Variants in FER1L6 observed in about 807,000 individuals in gnomAD.
FER1L6 encodes fer-1 like family member 6.
FER1L6 carries 177 observed loss-of-function variants against 219.2 expected under a neutral mutation model. The observed-to-expected ratio is 0.81, with a 90% CI of 0.71 to 0.91. The LOEUF is 0.91. FER1L6 is among the 40% of genes least tolerant of loss of function. The pLI is 0.00. For missense variants in FER1L6, 2,153 were observed against 2,259.9 expected, an observed-to-expected ratio of 0.95 and a Z score of 0.96; for synonymous variants, 768 against 824.3, an observed-to-expected ratio of 0.93 and a Z score of 1.17.
rs1005254917 is a variant in FER1L6 at position 123,852,353 on chromosome 8, A to C, written c.-8+168A>C. ...CTCCAGGTAGCTGGCTGGTCACCCC[A>C]GGGAATGGTGCCATATATTGGGGAC... On this transcript the variant is annotated intron_variant, in intron 1 of 40. Transcript: ENST00000522917. This position sits in a 1 kb window ranked among gnomAD's most constrained non-coding sequence, Gnocchi z 4.9. Among the ~76,000 whole-genome samples the C allele has an allele frequency of 1.1e-4, 17 of 152,126 alleles. No homozygotes were observed. The highest frequency in any genetic ancestry group is 4.1e-4 in the African/African-American group (17 of 41,430).
intron 1 of FER1L6, among the ~76,000 whole-genome samples, chr8:123,955,088 T>C (rs1452996985): frequency 6.6e-6 from 1 of 152,124 alleles, no homozygotes; most frequent in South Asian, 2.1e-4. Context: ...TCAGAGACCA[T>C]GGACTAGGGA....
At chr8:123,966,995 T>C (rs1178418032) in intron 5 of FER1L6, among the ~76,000 whole-genome samples, 1 of 146,928 alleles carries the variant, frequency 6.8e-6, no homozygotes, top group East Asian at 2.0e-4. Flanking sequence ...AGCAGAAGAA[T>C]GGCGTGAACC....
chr8:123,884,203 G>A (rs558593323), intron 1 of FER1L6, among the ~76,000 whole-genome samples: 1 of 152,348 alleles, frequency 6.6e-6, no homozygotes, highest in East Asian at 1.9e-4. Context: ...CCCCAGAGTT[G>A]AGTAATGGTG....
chr8:123,865,477 T>A (rs1191206661), intron 1 of FER1L6, among the ~76,000 whole-genome samples: 5 of 150,258 alleles, frequency 3.3e-5, no homozygotes, highest in African/African-American at 5.0e-5. Context: ...TACAGAGGCA[T>A]GCAGACCTCC....
At chr8:123,983,048 T>G (rs1246524927) in intron 11 of FER1L6, among the ~76,000 whole-genome samples, 1 of 152,228 alleles carries the variant, frequency 6.6e-6, no homozygotes, top group Admixed American at 6.5e-5. Context: ...TTAGGTTTCA[T>G]TTTTTGAGGG....
intron 1 of FER1L6, among the ~76,000 whole-genome samples, chr8:123,902,101 A>G (rs1034682242): frequency 6.6e-6 from 1 of 152,066 alleles, no homozygotes; most frequent in Non-Finnish European, 1.5e-5. Context: ...TAATTTCCAT[A>G]TATTTGGATG....
rs533620606 is a variant in FER1L6 at position 124,061,948 on chromosome 8, A to G, written c.3244A>G (p.Ile1082Val). 3 of 1,614,202 alleles carry G rather than the reference A, an allele frequency of 1.9e-6. No homozygotes were observed. The African/African-American group carries it at 4.0e-5, about 22-fold the overall frequency. The part of the protein sequence containing the change: ...GRSTLVGTYT[I>V]NYLKQFLCKL... ...GAGTACCCTTGTGGGCACCTACACC[A>G]TCAACTACTTGAAGCAGTTTTTGTG... The change falls in exon 25 of 41, where the codon ATC (isoleucine) becomes GTC (valine). Residue 1082 changes from isoleucine to valine, a missense_variant. Ile to Val is a conservative substitution (Grantham distance 29). Coordinates refer to ENST00000522917, the MANE Select transcript of FER1L6 (RefSeq NM_001039112.2).
intron 32 of FER1L6, among the ~76,000 whole-genome samples, chr8:124,079,893 G>A (rs1353518438): frequency 6.6e-6 from 1 of 152,118 alleles, no homozygotes; most frequent in African/African-American, 2.4e-5. Flanking sequence ...AGTCATCCCT[G>A]TGAAACCTTC....
intron 1 of FER1L6, among the ~76,000 whole-genome samples, chr8:123,874,627 CT>C (rs995430784): frequency 6.6e-6 from 1 of 152,226 alleles, no homozygotes; most frequent in Non-Finnish European, 1.5e-5. Flanking sequence ...ACTCTTCTTT[CT>C]ATACTTTGTC....
At position 124,097,392 on chromosome 8, in the gene FER1L6, G is replaced by T. The variant is rs536735079; in HGVS notation, c.4784+33G>T. ...AGCTGTAGCCCCAGCTTCAGGGGAAGAGACCAGGGTAGCAGATGAAAGAAT... is the reference window on the plus strand; with the variant it reads ...AGCTGTAGCCCCAGCTTCAGGGGAATAGACCAGGGTAGCAGATGAAAGAAT... On this transcript the variant is annotated intron_variant, in intron 36 of 40. Coordinates refer to ENST00000522917, the MANE Select transcript of FER1L6 (RefSeq NM_001039112.2). 1.7e-5 allele frequency: 25 copies of T among 1,434,690 alleles called. No individual in the cohort carries two copies. The African/African-American group carries it at 3.0e-4, about 17-fold the overall frequency. The allele number at this position is 1,434,690 out of a possible 1,614,324, so 88.9% of individuals were successfully genotyped here. A position where few individuals can be genotyped will look rare whatever the true frequency, so the allele number is the denominator to read the frequency against.
At chr8:124,024,000 G>A (rs1019966445) in intron 18 of FER1L6, among the ~76,000 whole-genome samples, 1 of 151,362 alleles carries the variant, frequency 6.6e-6, no homozygotes, top group African/African-American at 2.4e-5. Context: ...GGATTCAAGT[G>A]ATTCTCCTGC....
At chr8:124,060,442 C>T in intron 23 of FER1L6, 106 bp from the exon 24 acceptor site, 1 of 1,488,304 alleles carries the variant, frequency 6.7e-7, no homozygotes, top group Non-Finnish European at 9.2e-7. Flanking sequence ...TGGAGGAACA[C>T]AGCGTGGTTC....
chr8:123,913,659 G>A (rs1813105637), intron 1 of FER1L6, among the ~76,000 whole-genome samples: 1 of 152,118 alleles, frequency 6.6e-6, no homozygotes, highest in East Asian at 1.9e-4. Flanking sequence ...TGATGAGTGG[G>A]GACTGTGGAG....
chr8:124,056,694 C>G (rs1391645208), intron 22 of FER1L6, among the ~76,000 whole-genome samples: 1 of 152,130 alleles, frequency 6.6e-6, no homozygotes, highest in East Asian at 1.9e-4. Context: ...GGCATCCACC[C>G]TAAAATAGGC....
intron 1 of FER1L6, among the ~76,000 whole-genome samples, chr8:123,920,238 G>A (rs753385848): frequency 3.9e-5 from 6 of 152,172 alleles, no homozygotes; most frequent in Admixed American, 1.3e-4. Flanking sequence ...TCAGGACCAC[G>A]AAGAGGTCAT....
chr8:124,067,856 C>G, intron 28 of FER1L6, 50 bp downstream of exon 28: 1 of 1,513,356 alleles, frequency 6.6e-7, no homozygotes, highest in Non-Finnish European at 9.2e-7. Context: ...GCCATCGTTA[C>G]GAGAAAATTG....
intron 19 of FER1L6, among the ~76,000 whole-genome samples, 183 bp downstream of exon 19, chr8:124,035,637 A>T (rs1819165333): frequency 6.6e-6 from 1 of 152,250 alleles, no homozygotes; most frequent in Non-Finnish European, 1.5e-5. Flanking sequence ...ATCTAAAAAG[A>T]GTAAAATCAT....
intron 18 of FER1L6, among the ~76,000 whole-genome samples, chr8:124,028,842 C>T (rs1360637637): frequency 2.6e-5 from 4 of 152,188 alleles, no homozygotes; most frequent in East Asian, 3.8e-4. Context: ...CATAGGTTAA[C>T]GTGTGCCATG....
At chr8:123,994,441 AG>A (rs1417946033) in intron 12 of FER1L6, among the ~76,000 whole-genome samples, 1 of 152,196 alleles carries the variant, frequency 6.6e-6, no homozygotes, top group African/African-American at 2.4e-5. Context: ...AGTCCAGAGA[AG>A]GAGTGGGGGG....
Sources: allele counts gnomAD v4.1 joint callset (sites outside exome capture counted in the v4.1 genomes callset), GRCh38; gene constraint gnomAD v4.1.1; non-coding constraint Gnocchi (gnomAD v3.1); transcripts MANE v1.5; gene names NCBI Gene and HGNC (gene_info 2026-07-23, HGNC 2026-07-21).